Variants in PALLD observed in about 807,000 individuals in gnomAD.
PALLD encodes the protein palladin.
PALLD carries 61 observed loss-of-function variants against 123.5 expected under a neutral mutation model. The ratio of observed to expected loss-of-function variants is 0.49; its 90% confidence interval spans 0.40 to 0.61. The LOEUF is 0.61. PALLD is among the 20% of genes least tolerant of loss of function. PALLD has a pLI of 0.00. For synonymous variants in PALLD, 465 were observed against 496.4 expected (o/e 0.94, Z 0.84); for missense variants, 1,273 against 1,377.0 (o/e 0.92, Z 1.20).
chr4:168,856,568 G>GT (rs1748641445), intron 10 of PALLD, among the ~76,000 whole-genome samples: 1 of 152,224 alleles, frequency 6.6e-6, no homozygotes, highest in Non-Finnish European at 1.5e-5. Flanking sequence ...TCTCATCGTG[G>GT]TTTTGGTTTG....
At chr4:168,771,654 C>T (rs898011818) in intron 10 of PALLD, among the ~76,000 whole-genome samples, 2 of 152,170 alleles carry the variant, frequency 1.3e-5, no homozygotes, top group Non-Finnish European at 2.9e-5. Context: ...TGGGTGCCCA[C>T]ACCATAGAGG....
At chr4:168,598,817 G>T in intron 2 of PALLD, 1 of 257,588 alleles carries the variant, frequency 3.9e-6, no homozygotes, top group South Asian at 4.5e-5. Context: ...CCAGCATACA[G>T]CAACAGCAAA....
At chr4:168,560,076 T>C (rs115880252) in intron 2 of PALLD, among the ~76,000 whole-genome samples, 1 of 152,190 alleles carries the variant, frequency 6.6e-6, no homozygotes, top group Non-Finnish European at 1.5e-5. Context: ...ACCCTCAATA[T>C]ATGCTGTCAG....
chr4:168,693,086 C>T (rs568511600), intron 8 of PALLD, among the ~76,000 whole-genome samples: 1 of 148,906 alleles, frequency 6.7e-6, no homozygotes, highest in Non-Finnish European at 1.5e-5. Flanking sequence ...TACGCTCCTT[C>T]TGTTTCAGAT....
chr4:168,498,397 G>A (rs1168368044), intron 1 of PALLD, among the ~76,000 whole-genome samples: 1 of 152,178 alleles, frequency 6.6e-6, no homozygotes, highest in Non-Finnish European at 1.5e-5. Context: ...ACAATAGAAT[G>A]AGGATCTGGA....
chr4:168,618,605 G>A (rs1774454367), intron 2 of PALLD, among the ~76,000 whole-genome samples: 1 of 152,176 alleles, frequency 6.6e-6, no homozygotes, highest in African/African-American at 2.4e-5. Flanking sequence ...TGAAAGGCCA[G>A]TTATAATCAA....
chr4:168,504,388 G>A (rs1421090043), intron 1 of PALLD, among the ~76,000 whole-genome samples: 3 of 152,322 alleles, frequency 2.0e-5, no homozygotes, highest in South Asian at 2.1e-4. Flanking sequence ...AAGGTCAGGA[G>A]TTCAAGACCA....
chr4:168,549,417 T>A (rs1766500908), intron 2 of PALLD, among the ~76,000 whole-genome samples: 1 of 152,228 alleles, frequency 6.6e-6, no homozygotes, highest in South Asian at 2.1e-4. Flanking sequence ...GACACGGTCT[T>A]AACAGTTTAT....
At chr4:168,509,057 G>T (rs9884789) in intron 1 of PALLD, among the ~76,000 whole-genome samples, 1 of 151,978 alleles carries the variant, frequency 6.6e-6, no homozygotes, top group Non-Finnish European at 1.5e-5. Context: ...TCTGGTGGAC[G>T]TTCCAGGGTC....
chr4:168,593,254 T>A (rs1771620631), intron 2 of PALLD, among the ~76,000 whole-genome samples: 1 of 152,050 alleles, frequency 6.6e-6, no homozygotes, highest in Non-Finnish European at 1.5e-5. Flanking sequence ...CTAAGCTTTT[T>A]TCCAACACAG....
At chr4:168,834,553 G>A (rs555463570) in intron 10 of PALLD, among the ~76,000 whole-genome samples, 139 of 152,110 alleles carry the variant, frequency 9.1e-4, no homozygotes, top group African/African-American at 2.6e-3. Context: ...CCTGACCAAC[G>A]TGGTGAAACC....
intron 10 of PALLD, among the ~76,000 whole-genome samples, chr4:168,773,420 T>C (rs959040302): frequency 6.6e-6 from 1 of 152,184 alleles, no homozygotes; most frequent in Non-Finnish European, 1.5e-5. Context: ...TATTTAATCA[T>C]GAAGATTTAA....
chr4:168,805,649 C>G (rs1487248862), intron 10 of PALLD, among the ~76,000 whole-genome samples: 1 of 152,134 alleles, frequency 6.6e-6, no homozygotes, highest in African/African-American at 2.4e-5. Context: ...CATGCTTATC[C>G]TTGCAGAGAC....
At chr4:168,693,214 TC>T (rs1256638707) in intron 8 of PALLD, among the ~76,000 whole-genome samples, 3 of 149,902 alleles carry the variant, frequency 2.0e-5, no homozygotes, top group African/African-American at 7.4e-5. Flanking sequence ...GTTTCAGATC[TC>T]CCCTGCGCCC....
chr4:168,717,352 T>G (rs908442909), intron 10 of PALLD, among the ~76,000 whole-genome samples: 11 of 145,288 alleles, frequency 7.6e-5, no homozygotes, highest in Non-Finnish European at 1.6e-4. Flanking sequence ...TGTTTTTTTG[T>G]TTTTTTTTGA....
chr4:168,721,263 A>G (rs1185343184), intron 10 of PALLD, among the ~76,000 whole-genome samples: 1 of 152,172 alleles, frequency 6.6e-6, no homozygotes, highest in East Asian at 1.9e-4. Context: ...TAAGGTGAAA[A>G]TAGTCATCCC....
intron 10 of PALLD, among the ~76,000 whole-genome samples, chr4:168,769,298 C>T (rs1734092721): frequency 6.6e-6 from 1 of 152,214 alleles, no homozygotes; most frequent in Non-Finnish European, 1.5e-5. Context: ...TCCGTTAGAA[C>T]TGTCCTCACA....
At chr4:168,672,887 A>G in intron 3 of PALLD, among the ~76,000 whole-genome samples, 1 of 152,226 alleles carries the variant, frequency 6.6e-6, no homozygotes, top group Admixed American at 6.5e-5. Context: ...AAGATCACAC[A>G]TATACACACA....
intron 2 of PALLD, among the ~76,000 whole-genome samples, chr4:168,583,358 T>C (rs1455153787): frequency 6.6e-6 from 1 of 152,170 alleles, no homozygotes; most frequent in East Asian, 1.9e-4. Context: ...TTATTCTAGA[T>C]CAGTGCTTCT....
Sources: gnomAD v4.1 joint callset for allele counts (sites outside exome capture counted in the v4.1 genomes callset) on GRCh38, gnomAD v4.1.1 for gene constraint, MANE v1.5 for transcripts, NCBI Gene and HGNC (gene_info 2026-07-23, HGNC 2026-07-21) for gene names.